LRRTM4: variants seen among roughly 807,000 people sequenced by gnomAD.
The protein encoded by LRRTM4 is leucine rich repeat transmembrane neuronal 4.
In LRRTM4, 25 loss-of-function variants were observed where a neutral mutation model predicts 47.6. That is an observed-to-expected ratio of 0.53 (90% CI 0.38 to 0.73). LRRTM4 has a LOEUF of 0.73. Ranked by LOEUF, LRRTM4 falls within the 30% of genes least tolerant of loss-of-function variation. The pLI is 0.00. For missense variants in LRRTM4, 638 were observed against 713.4 expected (o/e 0.89, Z 1.20); for synonymous variants, 311 against 269.5 (o/e 1.15, Z -1.51).
chr2:77,521,836 G>C lies in LRRTM4; in HGVS notation c.-147-18C>G. On this transcript the variant is annotated intron_variant, in intron 1 of 3. Coordinates refer to ENST00000409884, the MANE Select transcript of LRRTM4 (RefSeq NM_001134745.3). ...CATACAAACTTCCCCGAGAGGACAG[G>C]CAAAAAAAAAAAAAAAAAATACATA... 4.7e-6 allele frequency: 1 copy of C among 212,030 alleles called. No homozygotes were observed. Among genetic ancestry groups the C allele is most frequent in the East Asian group, 5.5e-5 (1 of 18,282 alleles). The allele number at this position is 212,030 out of a possible 1,614,324, so 13.1% of individuals were successfully genotyped here.
intron 3 of LRRTM4, among the ~76,000 whole-genome samples, chr2:77,231,034 A>C (rs2103970231): frequency 6.6e-6 from 1 of 152,316 alleles, no homozygotes; most frequent in South Asian, 2.1e-4. Context: ...TTTTCCAAAT[A>C]TTGAATGGGA....
intron 3 of LRRTM4, among the ~76,000 whole-genome samples, chr2:77,221,041 G>A (rs1674611654): frequency 6.6e-6 from 1 of 152,068 alleles, no homozygotes; most frequent in South Asian, 2.1e-4. Flanking sequence ...AGAGAGTGGG[G>A]GCCAATATTC....
At chr2:77,110,190 A>G (rs1671213202) in intron 3 of LRRTM4, among the ~76,000 whole-genome samples, 3 of 152,334 alleles carry the variant, frequency 2.0e-5, no homozygotes, top group South Asian at 4.1e-4. Context: ...CATCAAAATA[A>G]TGAGTGATAT....
chr2:77,222,795 C>T (rs547623543), intron 3 of LRRTM4, among the ~76,000 whole-genome samples: 33 of 152,280 alleles, frequency 2.2e-4, no homozygotes, highest in African/African-American at 7.7e-4. Flanking sequence ...GGAGCTGGTA[C>T]TATTCCTTCT....
intron 3 of LRRTM4, among the ~76,000 whole-genome samples, chr2:76,887,633 A>G: frequency 6.6e-6 from 1 of 150,490 alleles, no homozygotes; most frequent in East Asian, 1.9e-4. Context: ...CACACTGTAT[A>G]TGATATATAC....
chr2:77,435,715 C>T (rs573492018), intron 3 of LRRTM4, among the ~76,000 whole-genome samples: 4 of 152,206 alleles, frequency 2.6e-5, no homozygotes, highest in South Asian at 2.1e-4. Flanking sequence ...CAGCCCAAAA[C>T]GTTCCTCAAT....
In LRRTM4 at chr2:76,898,553, CAAAAAA is replaced by C. The variant is rs56345618; in HGVS notation, c.1552-149643_1552-149638del. ...GGGTAACAAGAGCAAAGCTCCGTCTCAAAAAAAAAAAAAAAAAAAAAAAGAGTTAGT... is the reference window on the plus strand; with the variant it reads ...GGGTAACAAGAGCAAAGCTCCGTCTCAAAAAAAAAAAAAAAAAGAGTTAGT... On this transcript the variant is annotated intron_variant, in intron 3 of 3. Coordinates refer to ENST00000409884, the MANE Select transcript of LRRTM4 (RefSeq NM_001134745.3). Among the ~76,000 whole-genome samples, 225 of 63,554 alleles carry C rather than the reference CAAAAAA, an allele frequency of 3.5e-3. 1 individual carries two copies. Among genetic ancestry groups the C allele is most frequent in the Admixed American group, 8.7e-3 (45 of 5,174 alleles). 41.7% of individuals were successfully genotyped at this position (63,554 alleles called of 152,430 possible).
chr2:76,964,641 T>C (rs1675964758), intron 3 of LRRTM4, among the ~76,000 whole-genome samples: 1 of 147,410 alleles, frequency 6.8e-6, no homozygotes, highest in Non-Finnish European at 1.5e-5. Context: ...ACATGAAAGA[T>C]CTAAAATTAA....
intron 3 of LRRTM4, among the ~76,000 whole-genome samples, chr2:76,788,656 G>C (rs1458495336): frequency 6.6e-6 from 1 of 152,152 alleles, no homozygotes; most frequent in Non-Finnish European, 1.5e-5. Context: ...GTAATCATAA[G>C]AGAGAAAAGT....
intron 3 of LRRTM4, among the ~76,000 whole-genome samples, chr2:77,244,816 G>A (rs2103998551): frequency 6.6e-6 from 1 of 152,256 alleles, no homozygotes; most frequent in Non-Finnish European, 1.5e-5. Context: ...GAAGCCCACA[G>A]GCAGAGAACT....
intron 3 of LRRTM4, among the ~76,000 whole-genome samples, chr2:76,882,607 G>T (rs989388816): frequency 6.6e-6 from 1 of 152,214 alleles, no homozygotes; most frequent in African/African-American, 2.4e-5. Context: ...GGGACGCTGA[G>T]GTGGGAGGAT....
intron 3 of LRRTM4, among the ~76,000 whole-genome samples, chr2:77,268,560 C>T (rs902195174): frequency 2.0e-5 from 3 of 152,136 alleles, no homozygotes; most frequent in Non-Finnish European, 4.4e-5. Flanking sequence ...ATTCTGCACG[C>T]TGTATATCAA....
At chr2:77,434,372 A>G (rs542546870) in intron 3 of LRRTM4, among the ~76,000 whole-genome samples, 7 of 152,220 alleles carry the variant, frequency 4.6e-5, no homozygotes, top group Admixed American at 2.0e-4. Flanking sequence ...GCCACCTTTC[A>G]TGGGCCTTGA....
intron 3 of LRRTM4, among the ~76,000 whole-genome samples, chr2:77,245,517 CA>C (rs770133274): frequency 0.075 from 6,526 of 86,452 alleles, 391 homozygotes; most frequent in African/African-American, 0.22. Flanking sequence ...GACACTGCCT[CA>C]AAAAAAAAAA....
At chr2:77,333,815 G>T (rs773497992) in intron 3 of LRRTM4, among the ~76,000 whole-genome samples, 2 of 152,100 alleles carry the variant, frequency 1.3e-5, no homozygotes, top group Non-Finnish European at 2.9e-5. Flanking sequence ...ACCCAGAATG[G>T]TAATTCCACT....
At chr2:77,217,164 C>G (rs955345531) in intron 3 of LRRTM4, among the ~76,000 whole-genome samples, 2 of 150,634 alleles carry the variant, frequency 1.3e-5, no homozygotes, top group African/African-American at 2.4e-5. Context: ...ATATCTTTCT[C>G]TTCTTAAAAA....
intron 3 of LRRTM4, among the ~76,000 whole-genome samples, chr2:77,302,418 T>A (rs1677155395): frequency 6.6e-6 from 1 of 152,222 alleles, no homozygotes; most frequent in Non-Finnish European, 1.5e-5. Context: ...CAGATGCTGT[T>A]TTCCTTGCAA....
At chr2:77,298,006 C>T (rs183520839) in intron 3 of LRRTM4, among the ~76,000 whole-genome samples, 110 of 152,144 alleles carry the variant, frequency 7.2e-4, no homozygotes, top group African/African-American at 2.6e-3. Flanking sequence ...TCGAATTAAG[C>T]ATGATGGATG....
intron 3 of LRRTM4, among the ~76,000 whole-genome samples, chr2:77,123,309 G>A (rs1408967787): frequency 6.7e-6 from 1 of 148,512 alleles, no homozygotes; most frequent in African/African-American, 2.4e-5. Flanking sequence ...TTACACTAAA[G>A]TATATCAACT....
Sources: allele counts gnomAD v4.1 joint callset (sites outside exome capture counted in the v4.1 genomes callset), GRCh38; gene constraint gnomAD v4.1.1; transcripts MANE v1.5; gene names NCBI Gene and HGNC (gene_info 2026-07-23, HGNC 2026-07-21).